The following SKAP1 variants were observed in gnomAD, a reference collection of about 807,000 sequenced individuals.
SKAP1 encodes src kinase-associated phosphoprotein 1.
SKAP1 carries 44 observed loss-of-function variants against 58.5 expected under a neutral mutation model. That is an observed-to-expected ratio of 0.75 (90% CI 0.59 to 0.97). The LOEUF (loss-of-function observed/expected upper bound fraction) is 0.97, where lower values mean the gene tolerates loss of function less well. Ranked by LOEUF, SKAP1 falls within the 50% of genes least tolerant of loss-of-function variation. The pLI is 0.00. For missense variants in SKAP1, 390 were observed against 435.2 expected, an observed-to-expected ratio of 0.90 and a Z score of 0.92; for synonymous variants, 127 against 149.7, an observed-to-expected ratio of 0.85 and a Z score of 1.11.
At chr17:48,323,668 G>C (rs1173489704) in intron 4 of SKAP1, among the ~76,000 whole-genome samples, 3 of 152,038 alleles carry the variant, frequency 2.0e-5, no homozygotes, top group African/African-American at 7.2e-5. Context: ...GATCCTAGAG[G>C]CTGGAAGAGT....
intron 1 of SKAP1, among the ~76,000 whole-genome samples, chr17:48,423,885 G>A (rs1321899303): frequency 6.6e-6 from 1 of 152,018 alleles, no homozygotes; most frequent in Non-Finnish European, 1.5e-5. Context: ...GCCTCTCAAA[G>A]GGTTGGGATT....
At chr17:48,213,285 G>A (rs1386337489) in intron 4 of SKAP1, among the ~76,000 whole-genome samples, 1 of 149,244 alleles carries the variant, frequency 6.7e-6, no homozygotes, top group Non-Finnish European at 1.5e-5. Flanking sequence ...ACACCACGGA[G>A]GTTGCAGTGA....
chr17:48,145,082 T>C (rs1156248594), intron 11 of SKAP1, among the ~76,000 whole-genome samples: 1 of 152,198 alleles, frequency 6.6e-6, no homozygotes, highest in African/African-American at 2.4e-5. Flanking sequence ...CCATCAGGGC[T>C]TGCTTCTTGC....
intron 3 of SKAP1, among the ~76,000 whole-genome samples, chr17:48,357,416 G>T (rs1190561421): frequency 6.6e-6 from 1 of 152,078 alleles, no homozygotes; most frequent in African/African-American, 2.4e-5. Flanking sequence ...GGATCATGAG[G>T]TCAGGAGATC....
intron 4 of SKAP1, among the ~76,000 whole-genome samples, chr17:48,205,110 C>G (rs888352076): frequency 2.3e-5 from 3 of 128,020 alleles, no homozygotes; most frequent in African/African-American, 5.8e-5. Flanking sequence ...CTCTCTCTCT[C>G]TGTCTCTTTC....
chr17:48,163,784 T>C (rs1024069795), intron 10 of SKAP1, among the ~76,000 whole-genome samples: 3 of 152,158 alleles, frequency 2.0e-5, no homozygotes, highest in African/African-American at 7.2e-5. Flanking sequence ...TACTTATTCC[T>C]GACTTACGAG....
chr17:48,370,903 T>C (rs1444811571), intron 2 of SKAP1, among the ~76,000 whole-genome samples: 1 of 152,168 alleles, frequency 6.6e-6, no homozygotes, highest in Non-Finnish European at 1.5e-5. Flanking sequence ...GTGGATTAGA[T>C]TTTTTTAAAT....
intron 4 of SKAP1, among the ~76,000 whole-genome samples, chr17:48,267,004 G>A (rs2065560299): frequency 6.6e-6 from 1 of 152,024 alleles, no homozygotes; most frequent in South Asian, 2.1e-4. Flanking sequence ...AGCCCTCATA[G>A]AACATAGCAG....
chr17:48,301,665 T>A (rs1433957514), intron 4 of SKAP1, among the ~76,000 whole-genome samples: 1 of 152,106 alleles, frequency 6.6e-6, no homozygotes, highest in Admixed American at 6.5e-5. Context: ...TTAATAGACA[T>A]GGGGTTTCAC....
At chr17:48,373,110 G>A (rs2067107301) in intron 2 of SKAP1, among the ~76,000 whole-genome samples, 1 of 152,168 alleles carries the variant, frequency 6.6e-6, no homozygotes, top group South Asian at 2.1e-4. Flanking sequence ...ACCTGAGACT[G>A]GGTAATTTAT....
intron 1 of SKAP1, among the ~76,000 whole-genome samples, chr17:48,414,940 G>A (rs944784243): frequency 1.3e-5 from 2 of 152,140 alleles, no homozygotes; most frequent in Non-Finnish European, 2.9e-5. Flanking sequence ...CATCTTATGG[G>A]TCATATTTTT....
chr17:48,219,023 A>G (rs1253022955), intron 4 of SKAP1, among the ~76,000 whole-genome samples: 1 of 152,146 alleles, frequency 6.6e-6, no homozygotes, highest in African/African-American at 2.4e-5. Context: ...ATAACAACCT[A>G]ATTTCCTATT....
chr17:48,405,430 T>TTTCC (rs2067563438), intron 1 of SKAP1, among the ~76,000 whole-genome samples: 2 of 84,636 alleles, frequency 2.4e-5, no homozygotes, highest in African/African-American at 9.4e-5. Context: ...TCTTTCTTTC[T>TTTCC]TTCTTTCTTT....
At chr17:48,306,294 T>C (rs2066141268) in intron 4 of SKAP1, among the ~76,000 whole-genome samples, 1 of 152,166 alleles carries the variant, frequency 6.6e-6, no homozygotes, top group African/African-American at 2.4e-5. Flanking sequence ...TTATTAACTC[T>C]TGTACATTAC....
intron 3 of SKAP1, among the ~76,000 whole-genome samples, chr17:48,355,988 C>G (rs569035996): frequency 6.6e-6 from 1 of 152,148 alleles, no homozygotes; most frequent in African/African-American, 2.4e-5. Flanking sequence ...GGAGCAGTGG[C>G]TCATGCCTAT....
intron 9 of SKAP1, among the ~76,000 whole-genome samples, chr17:48,171,093 GTTTTTTTTTT>G (rs71141969): frequency 8.5e-5 from 6 of 70,242 alleles, no homozygotes; most frequent in Non-Finnish European, 7.3e-5. Flanking sequence ...AATTACTGTT[GTTTTTTTTTT>G]TTTTTTTTTT....
chr17:48,221,262 G>GTCTCAA (rs1347718484), intron 4 of SKAP1, among the ~76,000 whole-genome samples: 3 of 151,996 alleles, frequency 2.0e-5, no homozygotes, highest in African/African-American at 7.3e-5. Flanking sequence ...GTGAGACTCT[G>GTCTCAA]TCTCAATAAA....
the SKAP1 span, among the ~76,000 whole-genome samples, chr17:48,437,910 C>T: frequency 6.6e-6 from 1 of 152,096 alleles, no homozygotes; most frequent in Non-Finnish European, 1.5e-5. Flanking sequence ...TCCTTACCCT[C>T]CTTGCGTCCT....
intron 6 of SKAP1, among the ~76,000 whole-genome samples, chr17:48,185,736 A>G (rs1032242503): frequency 6.6e-6 from 1 of 152,172 alleles, no homozygotes; most frequent in Non-Finnish European, 1.5e-5. Context: ...GAAGAAGAAA[A>G]AAGACTGTGC....
Sources: allele counts gnomAD v4.1 joint callset (sites outside exome capture counted in the v4.1 genomes callset), GRCh38; gene constraint gnomAD v4.1.1; transcripts MANE v1.5; gene names NCBI Gene and HGNC (gene_info 2026-07-23, HGNC 2026-07-21).